MGAT5: variants seen among roughly 807,000 people sequenced by gnomAD.
MGAT5 encodes the protein alpha-1,6-mannosylglycoprotein 6-beta-N-acetylglucosaminyltransferase A.
MGAT5 carries 30 observed loss-of-function variants against 94.3 expected under a neutral mutation model. The observed-to-expected ratio is 0.32, with a 90% confidence interval of 0.24 to 0.43. The LOEUF is 0.43. Among genes scored for constraint, MGAT5 ranks in the 20% least tolerant of loss-of-function variants. The pLI is 1.00. For missense variants in MGAT5, 691 were observed against 905.5 expected, an observed-to-expected ratio of 0.76 and a Z score of 3.04; for synonymous variants, 310 against 322.9, an observed-to-expected ratio of 0.96 and a Z score of 0.43.
intron 2 of MGAT5, among the ~76,000 whole-genome samples, chr2:134,287,160 T>C (rs1268273560): frequency 1.3e-5 from 2 of 152,186 alleles, no homozygotes; most frequent in African/African-American, 2.4e-5. Flanking sequence ...ATCTTATCCT[T>C]CCTGTTCATC....
intron 1 of MGAT5, among the ~76,000 whole-genome samples, chr2:134,129,880 A>C (rs989118153): frequency 5.3e-5 from 8 of 152,052 alleles, no homozygotes. Flanking sequence ...GCACTGTGGG[A>C]GCCCCTCTCT....
chr2:134,161,847 A>G (rs182253324), intron 1 of MGAT5, among the ~76,000 whole-genome samples: 75 of 152,214 alleles, frequency 4.9e-4, no homozygotes, highest in African/African-American at 1.6e-3. Flanking sequence ...CATGTGTAAA[A>G]TAGGAGTAGA....
At chr2:134,387,189 A>T (rs1682038730) in intron 10 of MGAT5, among the ~76,000 whole-genome samples, 1 of 151,154 alleles carries the variant, frequency 6.6e-6, no homozygotes, top group Non-Finnish European at 1.5e-5. Flanking sequence ...TGAACCCGGG[A>T]GGTGGAGGTT....
At chr2:134,417,285 G>A (rs934398210) in intron 12 of MGAT5, among the ~76,000 whole-genome samples, 3 of 152,038 alleles carry the variant, frequency 2.0e-5, no homozygotes, top group Non-Finnish European at 2.9e-5. Flanking sequence ...CTACAGTACA[G>A]TGGTCAAAAC....
At chr2:134,190,593 G>A (rs1689317291) in intron 1 of MGAT5, among the ~76,000 whole-genome samples, 1 of 152,188 alleles carries the variant, frequency 6.6e-6, no homozygotes. Flanking sequence ...AGTGGCTGGA[G>A]CACCCTAACT....
At chr2:134,166,937 A>G (rs1271045226) in intron 1 of MGAT5, among the ~76,000 whole-genome samples, 1 of 152,230 alleles carries the variant, frequency 6.6e-6, no homozygotes, top group Non-Finnish European at 1.5e-5. Flanking sequence ...CAATTGAAAA[A>G]GGTTTGCCCA....
At chr2:134,369,042 A>G (rs1461015365) in intron 10 of MGAT5, among the ~76,000 whole-genome samples, 4 of 151,934 alleles carry the variant, frequency 2.6e-5, no homozygotes, top group Non-Finnish European at 5.9e-5. Context: ...TTTTTTGTCA[A>G]TCTCTCTTCC....
chr2:134,301,705 T>C (rs933446499), intron 2 of MGAT5, among the ~76,000 whole-genome samples: 1 of 152,038 alleles, frequency 6.6e-6, no homozygotes, highest in African/African-American at 2.4e-5. Context: ...GATGATGGAG[T>C]TGGCATCCAC....
At chr2:134,287,335 G>A (rs1354952123) in intron 2 of MGAT5, among the ~76,000 whole-genome samples, 2 of 152,060 alleles carry the variant, frequency 1.3e-5, no homozygotes, top group East Asian at 1.9e-4. Context: ...AATATTCTTC[G>A]CTCATCTGTG....
At chr2:134,169,421 C>G (rs971287925) in intron 1 of MGAT5, among the ~76,000 whole-genome samples, 14 of 149,414 alleles carry the variant, frequency 9.4e-5, no homozygotes, top group African/African-American at 3.3e-4. Context: ...CAGACACACA[C>G]ACACACACAC....
intron 10 of MGAT5, among the ~76,000 whole-genome samples, chr2:134,372,217 T>TA (rs1287966501): frequency 2.6e-5 from 4 of 152,208 alleles, no homozygotes; most frequent in Admixed American, 6.5e-5. Flanking sequence ...CATCAGGCTG[T>TA]AGAAGACACT....
At chr2:134,358,670 G>A (rs1406225141) in intron 9 of MGAT5, among the ~76,000 whole-genome samples, 1 of 152,170 alleles carries the variant, frequency 6.6e-6, no homozygotes, top group Non-Finnish European at 1.5e-5. Flanking sequence ...GGACTTACTG[G>A]TAGAAAAAAC....
chr2:134,319,669 TA>T (rs1381462635), intron 4 of MGAT5: 7 of 317,390 alleles, frequency 2.2e-5, no homozygotes, highest in African/African-American at 1.6e-4. Flanking sequence ...TGATAGGCTT[TA>T]TCTTCAGGTC....
chr2:134,357,440 A>G (rs535444918), intron 9 of MGAT5, among the ~76,000 whole-genome samples: 1 of 152,370 alleles, frequency 6.6e-6, no homozygotes, highest in African/African-American at 2.4e-5. Flanking sequence ...TTTGCCTGGC[A>G]AAACAGGAAT....
chr2:134,199,332 G>T (rs886788578), intron 1 of MGAT5, among the ~76,000 whole-genome samples: 4 of 152,046 alleles, frequency 2.6e-5, no homozygotes, highest in African/African-American at 7.2e-5. Flanking sequence ...CAGCCTCCCG[G>T]GATGGAGCTG....
intron 1 of MGAT5, among the ~76,000 whole-genome samples, chr2:134,189,602 GTTTTTT>G (rs912983981): frequency 1.2e-5 from 1 of 84,672 alleles, no homozygotes; most frequent in South Asian, 4.2e-4. Flanking sequence ...GTTTTTTTTT[GTTTTTT>G]TTTTTTTTTT....
At chr2:134,387,735 A>G (rs1008091772) in intron 10 of MGAT5, among the ~76,000 whole-genome samples, 1 of 152,100 alleles carries the variant, frequency 6.6e-6, no homozygotes, top group African/African-American at 2.4e-5. Context: ...GAACAGCACA[A>G]AAGAGTTTGG....
intron 14 of MGAT5, among the ~76,000 whole-genome samples, chr2:134,441,278 A>G (rs540763442): frequency 1.3e-5 from 2 of 152,294 alleles, no homozygotes; most frequent in Admixed American, 1.3e-4. Flanking sequence ...AGTAGCGCTT[A>G]TGAAACAGTG....
At chr2:134,320,998 G>A (rs1318598900) in intron 4 of MGAT5, among the ~76,000 whole-genome samples, 6 of 152,246 alleles carry the variant, frequency 3.9e-5, no homozygotes, top group African/African-American at 1.4e-4. Context: ...AATACCTCTT[G>A]GAAATGAACA....
Sources: gnomAD v4.1 joint callset for allele counts (sites outside exome capture counted in the v4.1 genomes callset) on GRCh38, gnomAD v4.1.1 for gene constraint, MANE v1.5 for transcripts, NCBI Gene and HGNC (gene_info 2026-07-23, HGNC 2026-07-21) for gene names.